Variants in DPP10 observed in about 807,000 individuals in gnomAD.
DPP10 encodes inactive dipeptidyl peptidase 10.
A neutral mutation model predicts 120.9 loss-of-function variants in DPP10; 33 were observed. That is an observed-to-expected ratio of 0.27 (90% CI 0.21 to 0.37). The LOEUF is 0.37. Among genes scored for constraint, DPP10 ranks in the 10% least tolerant of loss-of-function variants. DPP10 has a pLI of 1.00. For missense variants in DPP10, 816 were observed against 942.8 expected (o/e 0.87, Z 1.76); for synonymous variants, 337 against 326.1 (o/e 1.03, Z -0.36).
chr2:115,068,661 GT>G (rs1282809470), intron 1 of DPP10, among the ~76,000 whole-genome samples: 1 of 152,036 alleles, frequency 6.6e-6, no homozygotes, highest in Non-Finnish European at 1.5e-5. Context: ...GTCAAAAGGG[GT>G]TTTTTCCTAT....
At chr2:114,706,427 G>A (rs1393482090) in intron 1 of DPP10, among the ~76,000 whole-genome samples, 2 of 152,160 alleles carry the variant, frequency 1.3e-5, no homozygotes, top group Admixed American at 1.3e-4. Flanking sequence ...TTCTTCTGAA[G>A]ACTCTAAAGG....
rs143325326 is a variant in DPP10, at chr2:115,781,498, C to T, written c.1483+503C>T. ...TCTTGTAACAATATGCGTAGTCTTA[C>T]ATGTTTATACAGTATCTCTACAATA... is the stretch of plus-strand genomic sequence containing the variant. On this transcript the variant is annotated intron_variant, in intron 16 of 25. Coordinates refer to ENST00000410059, the MANE Select transcript of DPP10 (RefSeq NM_020868.6). Among the ~76,000 whole-genome samples the T allele has an allele frequency of 3.9e-3, 599 of 151,958 alleles. 5 individuals are homozygous for T. Among genetic ancestry groups the T allele is most frequent in the African/African-American group, 0.013 (558 of 41,536 alleles).
At chr2:115,156,889 T>C (rs564848088) in intron 1 of DPP10, among the ~76,000 whole-genome samples, 1 of 152,162 alleles carries the variant, frequency 6.6e-6, no homozygotes, top group Non-Finnish European at 1.5e-5. Flanking sequence ...TTCTAAAGAG[T>C]TGTGAAAATC....
chr2:114,654,754 G>A (rs1402361020), intron 1 of DPP10, among the ~76,000 whole-genome samples: 1 of 152,010 alleles, frequency 6.6e-6, no homozygotes, highest in Non-Finnish European at 1.5e-5. Flanking sequence ...GGCTGTTTGA[G>A]GTCTACTCTG....
intron 7 of DPP10, among the ~76,000 whole-genome samples, chr2:115,707,273 C>T (rs2092148204): frequency 1.3e-5 from 2 of 151,786 alleles, no homozygotes; most frequent in Admixed American, 6.6e-5. Flanking sequence ...TTTTATAGAA[C>T]ACTATATGTG....
At chr2:115,638,959 A>T (rs75849684) in intron 5 of DPP10, among the ~76,000 whole-genome samples, 1,625 of 152,286 alleles carry the variant, frequency 0.011, 19 homozygotes, top group African/African-American at 0.038. Context: ...GAAGCCAAGC[A>T]TGCTCTACTG....
At chr2:114,950,803 A>G (rs1697729645) in intron 1 of DPP10, among the ~76,000 whole-genome samples, 1 of 152,200 alleles carries the variant, frequency 6.6e-6, no homozygotes, top group Non-Finnish European at 1.5e-5. Flanking sequence ...TTCAAACACT[A>G]GAAAATAAAT....
chr2:115,151,467 G>C (rs934791010), intron 1 of DPP10, among the ~76,000 whole-genome samples: 1 of 150,760 alleles, frequency 6.6e-6, no homozygotes, highest in Non-Finnish European at 1.5e-5. Flanking sequence ...GAGTGCAATG[G>C]TGTGATCTCG....
rs148565444 is a variant in DPP10, at chr2:115,609,192, A to G, written c.442-80495A>G. Among the ~76,000 whole-genome samples the G allele has an allele frequency of 7.4e-4, 112 of 152,304 alleles. 1 individual carries two copies. Among genetic ancestry groups the G allele is most frequent in the African/African-American group, 2.4e-3 (100 of 41,562 alleles). ...TATTAGACATTAGAAGACATTAAAT[A>G]AGCATCTTCAAAATACTGAGGCAAA... On this transcript the variant is annotated intron_variant, in intron 5 of 25. Transcript: ENST00000410059.
intron 1 of DPP10, among the ~76,000 whole-genome samples, chr2:114,955,638 A>T (rs943570508): frequency 6.6e-6 from 1 of 152,232 alleles, no homozygotes; most frequent in Admixed American, 6.5e-5. Context: ...TAAGGACTCT[A>T]TGAGAAAATA....
At chr2:115,183,211 C>T (rs1186419388) in intron 1 of DPP10, among the ~76,000 whole-genome samples, 2 of 151,946 alleles carry the variant, frequency 1.3e-5, no homozygotes, top group Non-Finnish European at 2.9e-5. Context: ...TTTTGTACTC[C>T]AAAATGAACA....
intron 3 of DPP10, among the ~76,000 whole-genome samples, chr2:115,390,097 G>A (rs569648735): frequency 8.5e-5 from 13 of 152,054 alleles, no homozygotes; most frequent in Non-Finnish European, 1.2e-4. Flanking sequence ...TTTTTGCCTC[G>A]TCAGCTCTTA....
intron 3 of DPP10, among the ~76,000 whole-genome samples, chr2:115,377,759 C>T (rs1190815852): frequency 6.6e-6 from 1 of 151,864 alleles, no homozygotes; most frequent in Non-Finnish European, 1.5e-5. Context: ...CCAGTTTCAG[C>T]TTTCTACATA....
At chr2:115,312,078 A>G (rs1267290888) in intron 2 of DPP10, among the ~76,000 whole-genome samples, 2 of 152,140 alleles carry the variant, frequency 1.3e-5, no homozygotes, top group Non-Finnish European at 2.9e-5. Flanking sequence ...TTAGATTTAC[A>G]GTTTACCAAG....
intron 3 of DPP10, among the ~76,000 whole-genome samples, chr2:115,476,388 A>G (rs2075082055): frequency 6.6e-6 from 1 of 152,138 alleles, no homozygotes; most frequent in Non-Finnish European, 1.5e-5. Context: ...CAAAAGTAGA[A>G]GCCACTATAC....
chr2:115,188,949 G>T (rs1429860482), intron 1 of DPP10, among the ~76,000 whole-genome samples: 1 of 152,056 alleles, frequency 6.6e-6, no homozygotes, highest in East Asian at 1.9e-4. Flanking sequence ...CTATACAAAT[G>T]CAATACTTCA....
chr2:115,335,610 C>T (rs2063078248), intron 2 of DPP10, among the ~76,000 whole-genome samples: 1 of 151,990 alleles, frequency 6.6e-6, no homozygotes, highest in African/African-American at 2.4e-5. Context: ...GATCTGCTGA[C>T]AAGTTAGAGA....
At chr2:114,718,316 G>A (rs1701485698) in intron 1 of DPP10, among the ~76,000 whole-genome samples, 2 of 146,496 alleles carry the variant, frequency 1.4e-5, no homozygotes, top group Non-Finnish European at 3.0e-5. Flanking sequence ...CAGGAGAATC[G>A]CTTGATCCTG....
chr2:115,331,073 C>T (rs2062698991), intron 2 of DPP10, among the ~76,000 whole-genome samples: 1 of 152,122 alleles, frequency 6.6e-6, no homozygotes, highest in African/African-American at 2.4e-5. Context: ...GAACGTTCTT[C>T]CATTTTTTTG....
Sources: allele counts gnomAD v4.1 joint callset (sites outside exome capture counted in the v4.1 genomes callset), GRCh38; gene constraint gnomAD v4.1.1; transcripts MANE v1.5; gene names NCBI Gene and HGNC (gene_info 2026-07-23, HGNC 2026-07-21).